PARD3: variants seen among roughly 807,000 people sequenced by gnomAD.
The protein encoded by PARD3 is par-3 family cell polarity regulator, also known as partitioning defective 3 homolog.
Under a neutral mutation model 155.4 loss-of-function variants are expected in PARD3, and 75 were observed. The observed-to-expected ratio is 0.48, with a 90% CI of 0.40 to 0.58. The LOEUF is 0.58. Ranked by LOEUF, PARD3 falls within the 20% of genes least tolerant of loss-of-function variation. The pLI is 0.00. For missense variants in PARD3, 1,642 were observed against 1,721.7 expected, an observed-to-expected ratio of 0.95 and a Z score of 0.82; for synonymous variants, 576 against 610.5, an observed-to-expected ratio of 0.94 and a Z score of 0.83.
chr10:34,289,480 G>C (rs1956570647), intron 20 of PARD3, among the ~76,000 whole-genome samples: 1 of 151,632 alleles, frequency 6.6e-6, no homozygotes, highest in Non-Finnish European at 1.5e-5. Flanking sequence ...GTGAGCCACT[G>C]CATCTGGCCA....
At chr10:34,574,262 A>G (rs1590072207) in intron 2 of PARD3, among the ~76,000 whole-genome samples, 1 of 152,226 alleles carries the variant, frequency 6.6e-6, no homozygotes, top group East Asian at 1.9e-4. Context: ...TCAAAAGCAA[A>G]TGATTTTAAT....
chr10:34,158,873 T>G (rs1403935239), intron 22 of PARD3, among the ~76,000 whole-genome samples: 1 of 152,234 alleles, frequency 6.6e-6, no homozygotes, highest in African/African-American at 2.4e-5. Flanking sequence ...ACATAGCCCT[T>G]GAACCTATCA....
chr10:34,337,044 T>A (rs933051245), intron 17 of PARD3, among the ~76,000 whole-genome samples: 1 of 152,188 alleles, frequency 6.6e-6, no homozygotes, highest in Admixed American at 6.5e-5. Flanking sequence ...TTTGTTTCCA[T>A]TCTCTTAAGA....
chr10:34,253,656 C>A (rs1954462703), intron 22 of PARD3, among the ~76,000 whole-genome samples: 1 of 152,136 alleles, frequency 6.6e-6, no homozygotes, highest in Non-Finnish European at 1.5e-5. Flanking sequence ...TCCTTAATTG[C>A]TGAAATATCA....
intron 5 of PARD3, among the ~76,000 whole-genome samples, chr10:34,426,235 G>A (rs529263171): frequency 5.3e-5 from 8 of 152,156 alleles, no homozygotes. Flanking sequence ...AATGGCAATA[G>A]TAATGCCTGC....
intron 19 of PARD3, among the ~76,000 whole-genome samples, chr10:34,323,439 T>C (rs1313784799): frequency 1.3e-5 from 2 of 152,212 alleles, no homozygotes; most frequent in Middle Eastern, 3.4e-3. Flanking sequence ...ATGAAGACTG[T>C]GAGGAGGTAA....
chr10:34,330,937 T>C (rs906693054), intron 19 of PARD3, among the ~76,000 whole-genome samples, 180 bp downstream of exon 19: 1 of 152,118 alleles, frequency 6.6e-6, no homozygotes, highest in Non-Finnish European at 1.5e-5. Flanking sequence ...TGTATACTTA[T>C]AAGAGAATGT....
chr10:34,801,983 T>A (rs1407803610), intron 1 of PARD3, among the ~76,000 whole-genome samples: 3 of 152,256 alleles, frequency 2.0e-5, no homozygotes, highest in Non-Finnish European at 4.4e-5. Flanking sequence ...TTACATTTTA[T>A]ACTTTTATCC....
intron 3 of PARD3, among the ~76,000 whole-genome samples, chr10:34,476,876 G>C (rs115270202): frequency 6.6e-6 from 1 of 152,080 alleles, no homozygotes; most frequent in East Asian, 1.9e-4. Context: ...ATCTTTTCAC[G>C]AGTTTCACCT....
rs557981657 is a variant in PARD3, at chr10:34,666,953, G to A, written c.222+29365C>T. On this transcript the variant is annotated intron_variant, in intron 2 of 24. Coordinates refer to ENST00000374788, the MANE Select transcript of PARD3 (RefSeq NM_001184785.2). The stretch of plus-strand genomic sequence containing the variant: ...GGAGACCAGGGCGGGTGGATCACCT[G>A]AGGCCAGAAGTTTGGTATCAGCCTG... 3.6e-4 allele frequency among the ~76,000 whole-genome samples: 55 copies of A among 152,008 alleles called. 1 individual carries two copies. Among genetic ancestry groups the A allele is most frequent in the African/African-American group, 1.2e-3 (51 of 41,468 alleles).
intron 3 of PARD3, among the ~76,000 whole-genome samples, chr10:34,506,421 C>G (rs773975): frequency 0.51 from 78,285 of 152,010 alleles, 23,709 homozygotes; most frequent in African/African-American, 0.86. Context: ...GCACCCAACA[C>G]ATTTATGAAA....
chr10:34,730,707 G>A (rs772726870), intron 1 of PARD3, among the ~76,000 whole-genome samples: 21 of 152,074 alleles, frequency 1.4e-4, no homozygotes, highest in Admixed American at 6.5e-4. Flanking sequence ...GGCTCACTTG[G>A]GCACAGGAGT....
At chr10:34,426,081 T>C (rs890250646) in intron 5 of PARD3, among the ~76,000 whole-genome samples, 2 of 152,120 alleles carry the variant, frequency 1.3e-5, no homozygotes, top group Non-Finnish European at 2.9e-5. Flanking sequence ...AAAAACAAAA[T>C]GGCAAATATA....
intron 9 of PARD3, among the ~76,000 whole-genome samples, chr10:34,381,971 A>G (rs1841908344): frequency 6.6e-6 from 1 of 151,206 alleles, no homozygotes; most frequent in Non-Finnish European, 1.5e-5. Context: ...GGAAAAGAAA[A>G]GAAAAAAAAG....
intron 22 of PARD3, among the ~76,000 whole-genome samples, chr10:34,156,144 G>A (rs538902930): frequency 6.6e-6 from 1 of 152,264 alleles, no homozygotes; most frequent in Non-Finnish European, 1.5e-5. Context: ...GAATCTAACT[G>A]TCACCCAGGG....
intron 1 of PARD3, among the ~76,000 whole-genome samples, chr10:34,782,295 A>C (rs1840332177): frequency 1.3e-5 from 2 of 152,306 alleles, no homozygotes; most frequent in East Asian, 1.9e-4. Flanking sequence ...AAGACAGCAG[A>C]GGCAGAATCC....
chr10:34,746,579 A>G (rs867626631), intron 1 of PARD3, among the ~76,000 whole-genome samples: 39 of 151,948 alleles, frequency 2.6e-4, no homozygotes, highest in Admixed American at 3.9e-4. Context: ...CCAAACTTGT[A>G]GCCAGCTTCA....
intron 2 of PARD3, among the ~76,000 whole-genome samples, chr10:34,551,409 A>G (rs539745245): frequency 1.2e-4 from 18 of 152,312 alleles, no homozygotes; most frequent in African/African-American, 3.8e-4. Context: ...TTACCCACTG[A>G]GTCCATCCAC....
chr10:34,172,801 G>GTTTA (rs1254446369), intron 22 of PARD3, among the ~76,000 whole-genome samples: 1 of 149,820 alleles, frequency 6.7e-6, no homozygotes, highest in Non-Finnish European at 1.5e-5. Context: ...ATAAATGGGA[G>GTTTA]TTAAAATATC....
Sources: gnomAD v4.1 joint callset for allele counts (sites outside exome capture counted in the v4.1 genomes callset) on GRCh38, gnomAD v4.1.1 for gene constraint, MANE v1.5 for transcripts, NCBI Gene and HGNC (gene_info 2026-07-23, HGNC 2026-07-21) for gene names.